The following SLIT3 variants were observed in gnomAD, a reference collection of about 807,000 sequenced individuals.
SLIT3 encodes the protein slit homolog 3 protein.
A neutral mutation model predicts 184.0 loss-of-function variants in SLIT3; 68 were observed. The observed-to-expected ratio is 0.37, with a 90% CI of 0.30 to 0.45. The LOEUF (loss-of-function observed/expected upper bound fraction) is 0.45. SLIT3 is among the 20% of genes least tolerant of loss of function. SLIT3 has a pLI of 1.00. For synonymous variants in SLIT3, 831 were observed against 828.6 expected, an observed-to-expected ratio of 1.00 and a Z score of -0.05; for missense variants, 1,707 against 2,026.0, an observed-to-expected ratio of 0.84 and a Z score of 3.02.
intron 2 of SLIT3, among the ~76,000 whole-genome samples, chr5:169,245,047 G>A (rs1745971864): frequency 1.3e-5 from 2 of 152,170 alleles, no homozygotes; most frequent in Admixed American, 1.3e-4. Context: ...CCCAAGCACT[G>A]CAGGATGTTG....
chr5:168,741,343 C>T (rs980419195), intron 20 of SLIT3, among the ~76,000 whole-genome samples: 8 of 151,884 alleles, frequency 5.3e-5, no homozygotes, highest in African/African-American at 1.7e-4. Context: ...TGGTGGCGGG[C>T]ACCTGTAGTC....
chr5:169,194,233 C>CACAAA (rs1763666519), intron 3 of SLIT3, among the ~76,000 whole-genome samples: 1 of 61,382 alleles, frequency 1.6e-5, no homozygotes, highest in African/African-American at 7.1e-5. Context: ...GACTCTGTCT[C>CACAAA]AAAAAAAAAA....
At chr5:169,240,194 T>C (rs920543028) in intron 3 of SLIT3, among the ~76,000 whole-genome samples, 1 of 152,068 alleles carries the variant, frequency 6.6e-6, no homozygotes, top group Non-Finnish European at 1.5e-5. Flanking sequence ...AACTTTCATA[T>C]GCCCTTGAAA....
intron 4 of SLIT3, among the ~76,000 whole-genome samples, chr5:169,118,600 T>C (rs1760775450): frequency 6.6e-6 from 1 of 152,228 alleles, no homozygotes; most frequent in Non-Finnish European, 1.5e-5. Context: ...GTTCTGGTTC[T>C]GTAAAGAAGA....
chr5:169,171,051 C>T (rs543770658), intron 4 of SLIT3, among the ~76,000 whole-genome samples: 22 of 152,264 alleles, frequency 1.4e-4, no homozygotes, highest in African/African-American at 5.1e-4. Context: ...ATGCCAAAGA[C>T]ATCATAAAAG....
intron 4 of SLIT3, chr5:169,030,551 G>A (rs1756992736): frequency 6.6e-6 from 1 of 152,310 alleles, no homozygotes; most frequent in East Asian, 1.9e-4. Context: ...TAATGCCAAT[G>A]AATAATGCAT....
intron 4 of SLIT3, among the ~76,000 whole-genome samples, chr5:168,915,287 A>G (rs2113099196): frequency 6.6e-6 from 1 of 152,362 alleles, no homozygotes; most frequent in East Asian, 1.9e-4. Context: ...TCATCAATGA[A>G]TGCTAAAACC....
intron 2 of SLIT3, among the ~76,000 whole-genome samples, chr5:169,248,745 T>A (rs1272921483): frequency 2.0e-5 from 3 of 152,286 alleles, no homozygotes; most frequent in Admixed American, 1.3e-4. Flanking sequence ...GCTCCCACAT[T>A]GTGAGCATAG....
intron 4 of SLIT3, among the ~76,000 whole-genome samples, chr5:169,071,814 A>G (rs1758558855): frequency 6.6e-6 from 1 of 152,168 alleles, no homozygotes. Flanking sequence ...TGCCTTATCA[A>G]TTCCTTGTGC....
intron 1 of SLIT3, among the ~76,000 whole-genome samples, chr5:169,256,738 A>G (rs1353173850): frequency 6.6e-6 from 1 of 151,966 alleles, no homozygotes; most frequent in East Asian, 1.9e-4. Context: ...CTTTTGTGCC[A>G]CCTCTGAGAA....
intron 20 of SLIT3, among the ~76,000 whole-genome samples, chr5:168,739,716 G>T (rs551930736): frequency 3.9e-5 from 6 of 152,220 alleles, no homozygotes; most frequent in Non-Finnish European, 8.8e-5. Flanking sequence ...AAAGTGCTGG[G>T]ATTACAGGCG....
intron 3 of SLIT3, among the ~76,000 whole-genome samples, chr5:169,212,546 AT>A (rs1231323771): frequency 2.6e-5 from 4 of 151,620 alleles, no homozygotes; most frequent in Non-Finnish European, 5.9e-5. Flanking sequence ...TATTGCAAAA[AT>A]TTTCTCCCAT....
At chr5:169,048,350 C>T (rs371602345) in intron 4 of SLIT3, among the ~76,000 whole-genome samples, 2 of 152,296 alleles carry the variant, frequency 1.3e-5, no homozygotes, top group African/African-American at 2.4e-5. Flanking sequence ...CCAGGCATAA[C>T]GGAAGCATTC....
At chr5:168,863,781 A>G (rs892943326) in intron 5 of SLIT3, among the ~76,000 whole-genome samples, 3 of 152,194 alleles carry the variant, frequency 2.0e-5, no homozygotes, top group South Asian at 4.1e-4. Context: ...GCACATGACA[A>G]AAGAAAATCC....
intron 6 of SLIT3, among the ~76,000 whole-genome samples, chr5:168,838,816 C>T (rs560163048): frequency 6.6e-6 from 1 of 152,144 alleles, no homozygotes; most frequent in Non-Finnish European, 1.5e-5. Context: ...ACGTTGAACC[C>T]ACCAGGATAT....
At chr5:169,255,538 T>A (rs1363881641) in intron 1 of SLIT3, among the ~76,000 whole-genome samples, 1 of 152,124 alleles carries the variant, frequency 6.6e-6, no homozygotes, top group Non-Finnish European at 1.5e-5. Flanking sequence ...ACAGTTTGCG[T>A]TTTAAGCTAA....
intron 1 of SLIT3, among the ~76,000 whole-genome samples, chr5:169,297,351 T>C (rs1289308555): frequency 2.0e-5 from 3 of 152,166 alleles, no homozygotes; most frequent in Non-Finnish European, 4.4e-5. Context: ...TTATGAACAA[T>C]TGAGGCCCCA....
intron 4 of SLIT3, among the ~76,000 whole-genome samples, chr5:169,071,462 T>C (rs1244892192): frequency 6.6e-6 from 1 of 152,196 alleles, no homozygotes. Flanking sequence ...GAAAGGTAGT[T>C]CATAAAACAC....
chr5:169,257,436 G>A (rs931503481), intron 1 of SLIT3, among the ~76,000 whole-genome samples: 1 of 121,702 alleles, frequency 8.2e-6, no homozygotes, highest in Non-Finnish European at 1.6e-5. Context: ...ACCTATTCAA[G>A]AAATAACTCC....
Sources: gnomAD v4.1 joint callset for allele counts (sites outside exome capture counted in the v4.1 genomes callset) on GRCh38, gnomAD v4.1.1 for gene constraint, MANE v1.5 for transcripts, NCBI Gene and HGNC (gene_info 2026-07-23, HGNC 2026-07-21) for gene names.